SDK1: variants seen among roughly 807,000 people sequenced by gnomAD.
SDK1 encodes protein sidekick-1.
Under a neutral mutation model 245.5 loss-of-function variants are expected in SDK1, and 157 were observed. The observed-to-expected ratio is 0.64, with a 90% confidence interval of 0.56 to 0.73. The LOEUF (loss-of-function observed/expected upper bound fraction) is 0.73, where lower values mean the gene tolerates loss of function less well. Ranked by LOEUF, SDK1 falls within the 30% of genes least tolerant of loss-of-function variation. The probability of loss-of-function intolerance (pLI) is 0.00; values close to 1 mark genes in which losing one functional copy is unlikely to be tolerated. For missense variants in SDK1, 3,583 were observed against 3,002.3 expected, an observed-to-expected ratio of 1.19 and a Z score of -4.52; for synonymous variants, 1,647 against 1,278.5, an observed-to-expected ratio of 1.29 and a Z score of -6.15.
intron 1 of SDK1, among the ~76,000 whole-genome samples, chr7:3,309,542 T>TTTTTTA (rs1554256117): frequency 1.3e-5 from 2 of 148,654 alleles, no homozygotes; most frequent in Non-Finnish European, 1.5e-5. Flanking sequence ...TTTTTTTTTT[T>TTTTTTA]ACATGAGTGT....
intron 44 of SDK1, among the ~76,000 whole-genome samples, chr7:4,253,633 T>C (rs988660322): frequency 1.3e-5 from 2 of 152,204 alleles, no homozygotes; most frequent in African/African-American, 4.8e-5. Context: ...GTGTTCTGTA[T>C]GTGTCTGTAG....
intron 16 of SDK1, among the ~76,000 whole-genome samples, chr7:4,013,760 A>C (rs1314521482): frequency 1.3e-5 from 2 of 152,214 alleles, no homozygotes; most frequent in East Asian, 3.9e-4. Context: ...AAGTGGTTTA[A>C]ATGGGCCATC....
chr7:4,173,697 G>A (rs1269117113), intron 32 of SDK1, among the ~76,000 whole-genome samples: 2 of 152,214 alleles, frequency 1.3e-5, no homozygotes, highest in Non-Finnish European at 2.9e-5. Flanking sequence ...ATCATGCGAG[G>A]GGCCATGGGG....
At chr7:3,493,706 G>T (rs920346457) in intron 1 of SDK1, among the ~76,000 whole-genome samples, 1 of 152,206 alleles carries the variant, frequency 6.6e-6, no homozygotes, top group Admixed American at 6.5e-5. Context: ...AAGGTTAAAA[G>T]AATTATTCTT....
At chr7:3,451,658 A>T (rs1199383704) in intron 1 of SDK1, among the ~76,000 whole-genome samples, 1 of 152,204 alleles carries the variant, frequency 6.6e-6, no homozygotes, top group Non-Finnish European at 1.5e-5. Flanking sequence ...GATTTACTGA[A>T]ATTTAAGCTA....
intron 44 of SDK1, among the ~76,000 whole-genome samples, chr7:4,258,180 G>A (rs750027111): frequency 6.6e-6 from 1 of 152,184 alleles, no homozygotes; most frequent in Admixed American, 6.5e-5. Context: ...GTATAAACAC[G>A]CAGATGGGTG....
At chr7:4,262,712 C>CCCCAT (rs1680596870) in intron 44 of SDK1, among the ~76,000 whole-genome samples, 1 of 138,298 alleles carries the variant, frequency 7.2e-6, no homozygotes, top group South Asian at 2.7e-4. Flanking sequence ...TCATCACCTC[C>CCCCAT]CCCATCCCCT....
intron 4 of SDK1, among the ~76,000 whole-genome samples, chr7:3,651,948 G>T (rs914525368): frequency 6.6e-6 from 1 of 152,136 alleles, no homozygotes; most frequent in African/African-American, 2.4e-5. Context: ...GGTATTTTCA[G>T]ACAAGCCTGA....
intron 7 of SDK1, chr7:3,952,249 C>G (rs1048504888): frequency 3.0e-6 from 1 of 335,226 alleles, no homozygotes; most frequent in Non-Finnish European, 5.5e-6. Context: ...TTCTGTAACT[C>G]TTATTTGGCT....
chr7:4,231,005 CA>C (rs1785725108), intron 40 of SDK1, among the ~76,000 whole-genome samples: 2 of 152,088 alleles, frequency 1.3e-5, no homozygotes, highest in Admixed American at 1.3e-4. Flanking sequence ...GGGAGTGAGG[CA>C]GGGGAGGAGG....
intron 1 of SDK1, chr7:3,302,529 T>A (rs967414575): frequency 6.6e-6 from 1 of 152,088 alleles, no homozygotes; most frequent in Non-Finnish European, 1.5e-5. Context: ...AAAGAGGATC[T>A]GCTGAATGGA....
chr7:3,532,574 T>G (rs1485349658), intron 1 of SDK1, among the ~76,000 whole-genome samples: 1 of 152,232 alleles, frequency 6.6e-6, no homozygotes, highest in Non-Finnish European at 1.5e-5. Context: ...GACCCAAGTC[T>G]TCTGTCTGCA....
At chr7:3,970,719 C>T (rs561180010) in intron 11 of SDK1, among the ~76,000 whole-genome samples, 13 of 152,364 alleles carry the variant, frequency 8.5e-5, no homozygotes, top group Admixed American at 7.2e-4. Context: ...ACTCTGCCCA[C>T]TTTAACCTGT....
At chr7:4,243,131 T>A (rs971102144) in intron 43 of SDK1, among the ~76,000 whole-genome samples, 4 of 152,228 alleles carry the variant, frequency 2.6e-5, no homozygotes, top group Admixed American at 6.5e-5. Context: ...TCACAGAGAA[T>A]TTTAAGATAT....
At chr7:3,988,075 G>A (rs1348022215) in intron 14 of SDK1, among the ~76,000 whole-genome samples, 6 of 151,226 alleles carry the variant, frequency 4.0e-5, no homozygotes, top group Non-Finnish European at 2.9e-5. Flanking sequence ...CATCTGTATC[G>A]GGTTGTCTCA....
At chr7:3,493,296 A>G (rs757791496) in intron 1 of SDK1, among the ~76,000 whole-genome samples, 9 of 151,990 alleles carry the variant, frequency 5.9e-5, no homozygotes, top group Non-Finnish European at 7.4e-5. Context: ...CCATCTCCCT[A>G]CCCTTCATCT....
chr7:3,672,627 AAT>A (rs1049089157), intron 4 of SDK1, among the ~76,000 whole-genome samples: 6 of 141,356 alleles, frequency 4.2e-5, no homozygotes, highest in South Asian at 2.1e-4. Flanking sequence ...AATATATAAT[AAT>A]ATATATTAAA....
chr7:3,701,334 A>G (rs979341514), intron 4 of SDK1, among the ~76,000 whole-genome samples: 2 of 152,250 alleles, frequency 1.3e-5, no homozygotes, highest in Non-Finnish European at 2.9e-5. Context: ...GTCCATGTCT[A>G]TAAAAAGTGG....
At chr7:3,787,179 C>T (rs1780928581) in intron 4 of SDK1, among the ~76,000 whole-genome samples, 4 of 151,840 alleles carry the variant, frequency 2.6e-5, no homozygotes, top group Middle Eastern at 6.8e-3. Flanking sequence ...CACACACACA[C>T]ACACACACTC....
Sources: gnomAD v4.1 joint callset for allele counts (sites outside exome capture counted in the v4.1 genomes callset) on GRCh38, gnomAD v4.1.1 for gene constraint, MANE v1.5 for transcripts, NCBI Gene and HGNC (gene_info 2026-07-23, HGNC 2026-07-21) for gene names.